Variants in CSMD1 observed in about 807,000 individuals in gnomAD.
The protein encoded by CSMD1 is CUB and Sushi multiple domains 1.
Under a neutral mutation model 417.5 loss-of-function variants are expected in CSMD1, and 213 were observed. The ratio of observed to expected loss-of-function variants is 0.51; its 90% confidence interval spans 0.46 to 0.57. The LOEUF (loss-of-function observed/expected upper bound fraction) is 0.57. CSMD1 is among the 20% of genes least tolerant of loss of function. The pLI, the probability that CSMD1 is intolerant of heterozygous loss-of-function variation, is 0.00. For missense variants in CSMD1, 6,923 were observed against 4,529.7 expected (o/e 1.53, Z -15.17); for synonymous variants, 2,862 against 1,736.8 (o/e 1.65, Z -16.11).
At chr8:3,070,880 T>C (rs1362013490) in intron 49 of CSMD1, among the ~76,000 whole-genome samples, 1 of 152,226 alleles carries the variant, frequency 6.6e-6, no homozygotes, top group Non-Finnish European at 1.5e-5. Flanking sequence ...TATAAAGCAA[T>C]ACCTGAGACT....
chr8:4,813,841 T>A (rs1235758396), intron 1 of CSMD1, among the ~76,000 whole-genome samples: 3 of 152,186 alleles, frequency 2.0e-5, no homozygotes, highest in East Asian at 1.9e-4. Flanking sequence ...AATTCCAGAG[T>A]GCATAGTAGC....
intron 5 of CSMD1, among the ~76,000 whole-genome samples, chr8:3,960,349 C>T (rs999885869): frequency 6.6e-6 from 1 of 152,148 alleles, no homozygotes; most frequent in Non-Finnish European, 1.5e-5. Context: ...AATTGACACC[C>T]TTTCCTCATC....
At chr8:4,768,059 T>C (rs1318186322) in intron 1 of CSMD1, among the ~76,000 whole-genome samples, 1 of 152,192 alleles carries the variant, frequency 6.6e-6, no homozygotes, top group African/African-American at 2.4e-5. Context: ...TTTAATGTCT[T>C]CAGCCCCTTG....
At position 3,242,349 on chromosome 8, in the gene CSMD1, G is replaced by A. The variant is rs532847968; in HGVS notation, c.4154-12118C>T. Among the ~76,000 whole-genome samples the A allele has an allele frequency of 3.1e-4, 47 of 151,714 alleles. 1 individual carries two copies. Among genetic ancestry groups the A allele is most frequent in the African/African-American group, 8.5e-4 (35 of 41,404 alleles). ...AGGAAGACTAGAAAGACTCAGCGAC[G>A]CTTGGGGTTGGGACTGAGGGGACAG... is the stretch of plus-strand genomic sequence containing the variant. On this transcript the variant is annotated intron_variant, in intron 26 of 69. Coordinates refer to ENST00000635120, the MANE Select transcript of CSMD1 (RefSeq NM_033225.6).
intron 2 of CSMD1, among the ~76,000 whole-genome samples, chr8:4,594,013 T>G (rs1261335647): frequency 1.3e-5 from 2 of 152,026 alleles, no homozygotes; most frequent in Admixed American, 6.6e-5. Flanking sequence ...CTGGAGGTTG[T>G]TGGGAATCTC....
intron 53 of CSMD1, among the ~76,000 whole-genome samples, chr8:2,999,716 A>G (rs1311154763): frequency 1.3e-5 from 2 of 152,088 alleles, no homozygotes; most frequent in African/African-American, 2.4e-5. Context: ...CAATGAATTG[A>G]TAAGCAAATT....
intron 5 of CSMD1, among the ~76,000 whole-genome samples, chr8:3,835,554 C>T (rs948164322): frequency 1.3e-5 from 2 of 151,894 alleles, no homozygotes; most frequent in South Asian, 2.1e-4. Flanking sequence ...AACATCGCAC[C>T]TCAGGGACTG....
intron 5 of CSMD1, among the ~76,000 whole-genome samples, chr8:3,887,044 C>A (rs931229429): frequency 8.5e-5 from 13 of 152,166 alleles, no homozygotes; most frequent in Admixed American, 8.5e-4. Flanking sequence ...CTCTGCCTCA[C>A]ACATTTTCCC....
At chr8:3,515,667 T>G (rs1240575180) in intron 10 of CSMD1, among the ~76,000 whole-genome samples, 1 of 152,214 alleles carries the variant, frequency 6.6e-6, no homozygotes, top group Non-Finnish European at 1.5e-5. Context: ...ACAGACCAAC[T>G]TGGAACAAGT....
intron 2 of CSMD1, among the ~76,000 whole-genome samples, chr8:4,429,865 A>G (rs1374465637): frequency 6.6e-6 from 1 of 152,098 alleles, no homozygotes; most frequent in Non-Finnish European, 1.5e-5. Context: ...GTTAAGTTCT[A>G]TGAAATGAGG....
chr8:3,262,188 TATATA>T, intron 26 of CSMD1, among the ~76,000 whole-genome samples: 1 of 36,874 alleles, frequency 2.7e-5, no homozygotes, highest in East Asian at 8.4e-4. Context: ...CATATGAATA[TATATA>T]TATATATATA....
intron 52 of CSMD1, among the ~76,000 whole-genome samples, chr8:3,014,131 T>A (rs1279685355): frequency 6.6e-6 from 1 of 152,144 alleles, no homozygotes; most frequent in African/African-American, 2.4e-5. Context: ...AGATCCTGAA[T>A]CCATCATCCA....
intron 5 of CSMD1, among the ~76,000 whole-genome samples, chr8:3,843,279 T>C (rs1427024531): frequency 6.6e-6 from 1 of 152,298 alleles, no homozygotes; most frequent in Middle Eastern, 3.4e-3. Flanking sequence ...CTTTCGTTGT[T>C]TGTTAATGAG....
chr8:3,340,903 C>T (rs1807598823), intron 23 of CSMD1, among the ~76,000 whole-genome samples: 1 of 152,128 alleles, frequency 6.6e-6, no homozygotes, highest in African/African-American at 2.4e-5. Flanking sequence ...AAGAAAATTA[C>T]TCCTGTCAAA....
intron 23 of CSMD1, among the ~76,000 whole-genome samples, chr8:3,309,566 G>C (rs76725680): frequency 1.4e-5 from 2 of 142,282 alleles, no homozygotes; most frequent in Non-Finnish European, 1.6e-5. Flanking sequence ...ATCTGTGAAA[G>C]ACAGTCTTAC....
intron 5 of CSMD1, among the ~76,000 whole-genome samples, chr8:3,939,971 C>T (rs1328833749): frequency 6.6e-6 from 1 of 151,962 alleles, no homozygotes; most frequent in East Asian, 1.9e-4. Context: ...AGAACTTACC[C>T]ATGTAACCAA....
chr8:3,856,592 T>C (rs916836215), intron 5 of CSMD1, among the ~76,000 whole-genome samples: 7 of 152,176 alleles, frequency 4.6e-5, no homozygotes, highest in African/African-American at 1.7e-4. Context: ...GTATTCTAAT[T>C]TGCCATATTT....
At chr8:4,168,773 A>C (rs968116089) in intron 3 of CSMD1, among the ~76,000 whole-genome samples, 2 of 152,096 alleles carry the variant, frequency 1.3e-5, no homozygotes, top group South Asian at 4.1e-4. Flanking sequence ...TCTTTTCCTT[A>C]CAATAAAACT....
intron 1 of CSMD1, among the ~76,000 whole-genome samples, chr8:4,709,544 T>G (rs1034258936): frequency 6.6e-5 from 10 of 152,248 alleles, no homozygotes; most frequent in Admixed American, 6.5e-4. Context: ...ACCTCGAGGC[T>G]GGAGCCTCTG....
Sources: gnomAD v4.1 joint callset for allele counts (sites outside exome capture counted in the v4.1 genomes callset) on GRCh38, gnomAD v4.1.1 for gene constraint, MANE v1.5 for transcripts, NCBI Gene and HGNC (gene_info 2026-07-23, HGNC 2026-07-21) for gene names.